Variants in GLG1 observed in about 807,000 individuals in gnomAD.
GLG1 encodes the protein Golgi apparatus protein 1.
GLG1 carries 38 observed loss-of-function variants against 160.5 expected under a neutral mutation model. The ratio of observed to expected loss-of-function variants is 0.24; its 90% CI spans 0.18 to 0.31. The LOEUF is 0.31. Ranked by LOEUF, GLG1 falls within the 10% of genes least tolerant of loss-of-function variation. The pLI is 1.00. For synonymous variants in GLG1, 644 were observed against 543.4 expected, an observed-to-expected ratio of 1.19 and a Z score of -2.57; for missense variants, 1,373 against 1,505.2, an observed-to-expected ratio of 0.91 and a Z score of 1.45.
chr16:74,491,446 T>G (rs1409658343), intron 7 of GLG1, among the ~76,000 whole-genome samples: 1 of 152,198 alleles, frequency 6.6e-6, no homozygotes, highest in Non-Finnish European at 1.5e-5. Flanking sequence ...GGTTTTATAC[T>G]ACTGCACTAA....
intron 1 of GLG1, among the ~76,000 whole-genome samples, chr16:74,548,526 T>C (rs2018111113): frequency 6.6e-6 from 1 of 152,206 alleles, no homozygotes; most frequent in Non-Finnish European, 1.5e-5. Context: ...GTTATCTGGT[T>C]GACAGAAATC....
Position 74,496,552 on chromosome 16 carries a change from T to C in GLG1, c.867A>G (p.Glu289=), listed in dbSNP as rs1484961113. The change falls in exon 5 of 26, where the codon GAA becomes GAG. Residue 289 remains glutamate, a synonymous_variant. Transcript: ENST00000422840. ...EEREPKIQVS[E]LCKKAILRVA... The stretch of plus-strand genomic sequence containing the variant: ...CCCGGAGAATGGCTTTCTTGCAGAG[T>C]TCAGAAACTTGAATCTTGGGTTCTC... 7 of 1,613,144 alleles carry C rather than the reference T, an allele frequency of 4.3e-6. 1 individual carries two copies. The highest frequency in any genetic ancestry group is 5.9e-6 in the Non-Finnish European group (7 of 1,179,476).
intron 1 of GLG1, among the ~76,000 whole-genome samples, chr16:74,587,833 C>T (rs971594469): frequency 6.6e-6 from 1 of 151,716 alleles, no homozygotes; most frequent in East Asian, 1.9e-4. Flanking sequence ...TCCAGCCTGG[C>T]GACACAGTGA....
intron 13 of GLG1, 150 bp from the exon 14 acceptor site, chr16:74,472,561 C>A: frequency 6.7e-7 from 1 of 1,487,944 alleles, no homozygotes; most frequent in Non-Finnish European, 9.0e-7. Flanking sequence ...AGTAGATAGC[C>A]CCAGAATAAA....
At chr16:74,552,066 A>G (rs2038546183) in intron 1 of GLG1, among the ~76,000 whole-genome samples, 1 of 151,890 alleles carries the variant, frequency 6.6e-6, no homozygotes, top group Admixed American at 6.6e-5. Context: ...GGGGATGTGG[A>G]AAATAGGTTA....
In GLG1 at chr16:74,490,979, G is replaced by C. The variant is rs1465146336; in HGVS notation, c.1449+22C>G. The C allele has an allele frequency of 1.9e-6, 3 of 1,538,832 alleles. No homozygotes were observed. In the Admixed American group the frequency reaches 5.0e-5, roughly 26 times the overall value. Reference sequence around the variant, plus strand: ...AGCTGATAAATGTGACATTCAAAATGGCAATAGCAATGTCTCCTTACCGCC... The same window carrying C: ...AGCTGATAAATGTGACATTCAAAATCGCAATAGCAATGTCTCCTTACCGCC... On this transcript the variant is annotated intron_variant, in intron 8 of 25. Transcript: ENST00000422840.
chr16:74,588,146 T>C (rs534072101), intron 1 of GLG1, among the ~76,000 whole-genome samples: 16 of 151,920 alleles, frequency 1.1e-4, no homozygotes, highest in South Asian at 1.0e-3. Context: ...TGTGGGACAA[T>C]AGCAATCAAT....
intron 2 of GLG1, among the ~76,000 whole-genome samples, chr16:74,527,787 C>A (rs1411407920): frequency 5.3e-5 from 8 of 151,722 alleles, no homozygotes; most frequent in Admixed American, 5.3e-4. Flanking sequence ...AGTGCCGTGG[C>A]GGGATCTCAG....
chr16:74,490,318 GCTAA>G (rs1159322988), intron 8 of GLG1, among the ~76,000 whole-genome samples: 3 of 152,180 alleles, frequency 2.0e-5, no homozygotes, highest in African/African-American at 4.8e-5. Context: ...AGCAAAGTAT[GCTAA>G]CTGTGAGGTT....
chr16:74,534,759 T>C (rs1176272387), intron 1 of GLG1, among the ~76,000 whole-genome samples: 4 of 152,246 alleles, frequency 2.6e-5, no homozygotes, highest in African/African-American at 9.6e-5. Context: ...CCGGCTCCGC[T>C]GACGTTGAGC....
rs1280274995 is a variant in GLG1 at position 74,449,987 on chromosome 16, C to G, written c.*3180G>C. On this transcript the variant is annotated 3_prime_UTR_variant, in exon 26 of 26. Transcript: ENST00000422840. Reference sequence around the variant, plus strand: ...TCTTGTTCTTAATAGTTTGCCCAGACAGCTCACCTTCAGTACCCCAGAGCC... The same window carrying G: ...TCTTGTTCTTAATAGTTTGCCCAGAGAGCTCACCTTCAGTACCCCAGAGCC... 1.3e-5 allele frequency: 2 copies of G among 152,304 alleles called. No homozygotes were observed. Among genetic ancestry groups the G allele is most frequent in the Non-Finnish European group, 2.9e-5 (2 of 68,120 alleles). 9.4% of individuals were successfully genotyped at this position (152,304 alleles called of 1,614,324 possible). A position where few individuals can be genotyped will look rare whatever the true frequency, so the allele number is the denominator to read the frequency against.
intron 1 of GLG1, among the ~76,000 whole-genome samples, chr16:74,585,581 G>A (rs575993407): frequency 5.3e-4 from 80 of 151,548 alleles, no homozygotes; most frequent in Middle Eastern, 3.4e-3. Flanking sequence ...GGTAGTGTGC[G>A]CCTGTAGTCC....
intron 1 of GLG1, among the ~76,000 whole-genome samples, chr16:74,541,303 A>G (rs915783114): frequency 2.1e-5 from 3 of 143,358 alleles, no homozygotes; most frequent in African/African-American, 5.1e-5. Flanking sequence ...CAGCCTAGGT[A>G]GCAGAGCAAG....
At chr16:74,494,636 A>C (rs1013119045) in intron 6 of GLG1, 124 bp downstream of exon 6, 4 of 486,890 alleles carry the variant, frequency 8.2e-6, no homozygotes, top group Non-Finnish European at 1.5e-5. Context: ...TGAACTCCTG[A>C]CCTCGTGATC....
At chr16:74,556,323 A>G (rs138131082) in intron 1 of GLG1, among the ~76,000 whole-genome samples, 2,031 of 152,290 alleles carry the variant, frequency 0.013, 22 homozygotes, top group Non-Finnish European at 0.02. Context: ...CCATTTTACA[A>G]TAAATCATGA....
chr16:74,565,812 T>A (rs1431061744), intron 1 of GLG1, among the ~76,000 whole-genome samples: 1 of 152,244 alleles, frequency 6.6e-6, no homozygotes, highest in African/African-American at 2.4e-5. Context: ...TGGTTCTATG[T>A]CTCTGGAGAA....
intron 2 of GLG1, among the ~76,000 whole-genome samples, chr16:74,512,203 G>T (rs1273946013): frequency 9.5e-5 from 13 of 137,202 alleles, no homozygotes; most frequent in African/African-American, 3.2e-4. Flanking sequence ...CTGTCACCCA[G>T]GCTGAAGTGC....
At chr16:74,583,371 T>C (rs927694258) in intron 1 of GLG1, among the ~76,000 whole-genome samples, 1 of 152,110 alleles carries the variant, frequency 6.6e-6, no homozygotes, top group Admixed American at 6.6e-5. Flanking sequence ...AGTGTAACAG[T>C]TAAACTTTGA....
intron 1 of GLG1, among the ~76,000 whole-genome samples, chr16:74,546,925 G>C (rs1331890641): frequency 1.3e-5 from 2 of 149,178 alleles, no homozygotes; most frequent in Non-Finnish European, 3.0e-5. Flanking sequence ...TTTGAAAAGA[G>C]AGAGAAGCCT....
Sources: allele counts gnomAD v4.1 joint callset (sites outside exome capture counted in the v4.1 genomes callset), GRCh38; gene constraint gnomAD v4.1.1; transcripts MANE v1.5; gene names NCBI Gene and HGNC (gene_info 2026-07-23, HGNC 2026-07-21).